Variants in DBX2 observed in about 807,000 individuals in gnomAD.
DBX2 encodes the protein developing brain homeobox 2, also known as homeobox protein DBX2.
Under a neutral mutation model 17.7 loss-of-function variants are expected in DBX2, and 16 were observed. The observed-to-expected ratio is 0.90, with a 90% CI of 0.61 to 1.37. DBX2 has a LOEUF of 1.37. DBX2 is among the 40% of genes most tolerant of loss of function. DBX2 has a pLI of 0.00. For synonymous variants in DBX2, 255 were observed against 183.8 expected (o/e 1.39, Z -3.13); for missense variants, 538 against 433.8 (o/e 1.24, Z -2.13).
chr12:45,035,959 A>G (rs1032792204), intron 2 of DBX2, 60 bp downstream of exon 2: 4 of 1,504,112 alleles, frequency 2.7e-6, no homozygotes, highest in Non-Finnish European at 3.6e-6. Context: ...AGCACATTAA[A>G]TCCTGCAGCT....
chr12:45,034,615 C>A (rs902933532), intron 2 of DBX2, among the ~76,000 whole-genome samples: 2 of 152,162 alleles, frequency 1.3e-5, no homozygotes, highest in African/African-American at 4.8e-5. Context: ...TGATAATGGG[C>A]CCTATGTATT....
intron 3 of DBX2, among the ~76,000 whole-genome samples, chr12:45,018,960 T>C (rs1946337277): frequency 6.6e-6 from 1 of 150,538 alleles, no homozygotes; most frequent in Admixed American, 6.6e-5. Flanking sequence ...AAACATAAAG[T>C]AGAATAGTGG....
At chr12:45,026,149 G>C (rs914567842) in intron 2 of DBX2, among the ~76,000 whole-genome samples, 7 of 152,158 alleles carry the variant, frequency 4.6e-5, no homozygotes, top group African/African-American at 1.7e-4. Context: ...AGAGTGAGTA[G>C]CAGGTGCCTC....
At chr12:45,044,251 T>C (rs938223380) in intron 1 of DBX2, among the ~76,000 whole-genome samples, 2 of 152,154 alleles carry the variant, frequency 1.3e-5, no homozygotes, top group Non-Finnish European at 2.9e-5. Context: ...TCAGACCCAA[T>C]ATAACCACAA....
At position 45,050,955 on chromosome 12, in the gene DBX2, G is replaced by A. The variant is rs1000751143; in HGVS notation, c.-28C>T. ...TGCGGCGCCAACCGGTCTGCTGCGC[G>A]CCCGCCTTGCGCCCGCCTGTCGCCC... On this transcript the variant is annotated 5_prime_UTR_variant, in exon 1 of 4. Transcript: ENST00000332700. The A allele has an allele frequency of 2.1e-6, 3 of 1,397,562 alleles. No homozygotes were observed. Among genetic ancestry groups the A allele is most frequent in the Non-Finnish European group, 2.8e-6 (3 of 1,075,804 alleles). The allele number at this position is 1,397,562 out of a possible 1,614,324, so 86.6% of individuals were successfully genotyped here.
intron 1 of DBX2, among the ~76,000 whole-genome samples, chr12:45,039,750 TAA>T (rs1433096664): frequency 6.6e-6 from 1 of 151,706 alleles, no homozygotes; most frequent in Non-Finnish European, 1.5e-5. Context: ...AGAAAAACAA[TAA>T]AGATTTAACA....
Position 45,050,590 on chromosome 12 carries a change from T to A in DBX2, c.338A>T (p.Asp113Val), listed in dbSNP as rs1018708340. Residue 113 changes from aspartate to valine, a missense_variant, in exon 1 of 4, where the codon GAC (aspartate) becomes GTC (valine). By Grantham distance (152) the Asp-to-Val change is radical. Transcript: ENST00000332700. ...AGCCCGGCCCGGCAGCCTCGCACTG[T>A]CCGCAGAGGGACTGAGCACTTGAAA... is the stretch of plus-strand genomic sequence containing the variant. ...WAFQVLSPSA[D>V]SARLPGRAPG... The A allele has an allele frequency of 2.6e-6, 4 of 1,551,726 alleles. No individual in the cohort carries two copies. The highest frequency in any genetic ancestry group is 3.5e-6 in the Non-Finnish European group (4 of 1,148,128).
intron 2 of DBX2, among the ~76,000 whole-genome samples, chr12:45,031,219 T>A (rs199829971): frequency 5.7e-5 from 5 of 87,608 alleles, no homozygotes; most frequent in African/African-American, 9.2e-5. Context: ...TGTGTGTGTG[T>A]GTGTGTGAGA....
At chr12:45,022,113 C>T (rs1946355594) in intron 3 of DBX2, among the ~76,000 whole-genome samples, 1 of 151,956 alleles carries the variant, frequency 6.6e-6, no homozygotes, top group African/African-American at 2.4e-5. Context: ...AACTGAGGCA[C>T]AGAACAACCA....
At chr12:45,018,385 G>GTA (rs1337991777) in intron 3 of DBX2, among the ~76,000 whole-genome samples, 1 of 152,102 alleles carries the variant, frequency 6.6e-6, no homozygotes, top group East Asian at 1.9e-4. Context: ...ATGGTGTTGA[G>GTA]ACAAATGCAT....
chr12:45,031,225 T>TGTGTGTGA lies in DBX2; in HGVS notation c.499+4793_499+4794insTCACACAC, dbSNP rs1377897653. On this transcript the variant is annotated intron_variant, in intron 2 of 3. Transcript: ENST00000332700. ...GTGTGTGTGTGTGTGTGTGTGTGTG[T>TGTGTGTGA]GAGAGAGAGAGAGAGAGAGAGAGAG... Among the ~76,000 whole-genome samples, 724 of 85,596 alleles carry TGTGTGTGA rather than the reference T, an allele frequency of 8.5e-3. 5 individuals carry two copies. The highest frequency in any genetic ancestry group is 0.025 in the South Asian group (42 of 1,680). The allele number at this position is 85,596 out of a possible 152,430, so 56.2% of individuals were successfully genotyped here. A position where few individuals can be genotyped will look rare whatever the true frequency, so the allele number is the denominator to read the frequency against.
chr12:45,047,983 T>C (rs940551667), intron 1 of DBX2, among the ~76,000 whole-genome samples: 2 of 152,172 alleles, frequency 1.3e-5, no homozygotes, highest in Non-Finnish European at 2.9e-5. Flanking sequence ...ACATGGAATG[T>C]AAGCTCTACA....
In DBX2 at chr12:45,024,906, C is replaced by T. The variant is rs147262237; in HGVS notation, c.500-1012G>A. Among the ~76,000 whole-genome samples the T allele has an allele frequency of 6.3e-3, 953 of 152,326 alleles. 14 individuals are homozygous for T. The highest frequency in any genetic ancestry group is 0.022 in the African/African-American group (906 of 41,570). On this transcript the variant is annotated intron_variant, in intron 2 of 3. Transcript: ENST00000332700. ...CCCCTACAATTCCATTGATCATCAA[C>T]CCCTTGAGGTAAGAGACATTTGCTA...
At chr12:45,032,840 A>G (rs1300457300) in intron 2 of DBX2, among the ~76,000 whole-genome samples, 1 of 152,222 alleles carries the variant, frequency 6.6e-6, no homozygotes, top group Non-Finnish European at 1.5e-5. Context: ...TAATTCAATC[A>G]GCTAGTTTAC....
chr12:45,042,630 T>C (rs1301635049), intron 1 of DBX2, among the ~76,000 whole-genome samples: 2 of 152,184 alleles, frequency 1.3e-5, no homozygotes, highest in Non-Finnish European at 2.9e-5. Context: ...TGTAGTCAAA[T>C]TGGATAATTT....
rs1322214895 is a variant in DBX2, at chr12:45,023,760, T to C, written c.634A>G (p.Ser212Gly). The change falls in exon 3 of 4, where the codon AGC becomes GGC. Residue 212 changes from serine to glycine, a missense_variant. Transcript: ENST00000332700. Reference protein sequence around the residue: ...EKMFQKQKYISKTDRKKLAIN... With the variant: ...EKMFQKQKYIGKTDRKKLAIN... ...GCAAGTTTCTTTCGGTCTGTTTTGC[T>C]GATATATTTCTGTTTCTGAAACATT... The C allele has an allele frequency of 3.1e-6, 5 of 1,614,084 alleles. No individual in the cohort carries two copies. The African/African-American group carries it at 4.0e-5, about 13-fold the overall frequency.
rs973758356 is a variant in DBX2, at chr12:45,016,157, A to G, written c.*129T>C. On this transcript the variant is annotated 3_prime_UTR_variant, in exon 4 of 4. Coordinates refer to ENST00000332700, the MANE Select transcript of DBX2 (RefSeq NM_001004329.3). ...GAGAACACTAGAGTGGGTTTCCTAA[A>G]GCATTAGTTCATACATCGCTCCAAA... is the stretch of plus-strand genomic sequence containing the variant. The G allele has an allele frequency of 4.1e-6, 4 of 984,856 alleles. No homozygotes were observed. The highest frequency in any genetic ancestry group is 5.7e-6 in the Non-Finnish European group (4 of 704,628). The allele number at this position is 984,856 out of a possible 1,614,324, so 61.0% of individuals were successfully genotyped here. A position where few individuals can be genotyped will look rare whatever the true frequency, so the allele number is the denominator to read the frequency against.
chr12:45,039,084 G>C (rs917697497), intron 1 of DBX2, among the ~76,000 whole-genome samples: 1 of 150,588 alleles, frequency 6.6e-6, no homozygotes, highest in African/African-American at 2.4e-5. Context: ...GTCAATTCCT[G>C]ATTGCTATAC....
chr12:45,016,775 A>G (rs1946326196), intron 3 of DBX2, among the ~76,000 whole-genome samples, 157 bp from the exon 4 acceptor site: 1 of 152,058 alleles, frequency 6.6e-6, no homozygotes, highest in Admixed American at 6.6e-5. Context: ...GGGCTCCTTC[A>G]AAAATATCCC....
Sources: allele counts gnomAD v4.1 joint callset (sites outside exome capture counted in the v4.1 genomes callset), GRCh38; gene constraint gnomAD v4.1.1; transcripts MANE v1.5; gene names NCBI Gene and HGNC (gene_info 2026-07-23, HGNC 2026-07-21).